The following HAPSTR1 variants were observed in gnomAD, a reference collection of about 807,000 sequenced individuals.
HAPSTR1 encodes HUWE1 associated protein modifying stress responses.
At chr16:9,091,683 G>A in the HAPSTR1 span, 6 of 399,174 alleles carry the variant, frequency 1.5e-5, no homozygotes, top group Non-Finnish European at 2.2e-5. Context: ...AGGCCGAGCT[G>A]CGCGGAGGGC....
chr16:9,116,130 CT>C, the HAPSTR1 span, among the ~76,000 whole-genome samples: 2 of 152,152 alleles, frequency 1.3e-5, no homozygotes, highest in Admixed American at 1.3e-4. Flanking sequence ...AACAGTGACT[CT>C]TTTCGGGCTC....
chr16:9,117,798 T>TG, the HAPSTR1 span: 1 of 152,656 alleles, frequency 6.6e-6, no homozygotes, highest in East Asian at 1.9e-4. Flanking sequence ...AGATGGATGG[T>TG]GGGGTAGGTT....
chr16:9,098,068 C>A, the HAPSTR1 span, among the ~76,000 whole-genome samples: 1 of 152,186 alleles, frequency 6.6e-6, no homozygotes, highest in Non-Finnish European at 1.5e-5. Context: ...CGGGGGCTCA[C>A]GCCTGTAATC....
chr16:9,092,892 G>GTTTTTTTTTTTTTTTTTTTTTGTT, the HAPSTR1 span: 1 of 1,267,510 alleles, frequency 7.9e-7, no homozygotes, highest in Non-Finnish European at 1.1e-6. Flanking sequence ...TTTCTTTTTG[G>GTTTTTTTTTTTTTTTTTTTTTGTT]TTTTTTTTTT....
the HAPSTR1 span, chr16:9,119,593 A>C: frequency 6.6e-6 from 1 of 152,230 alleles, no homozygotes. Flanking sequence ...GTTGGAAAGC[A>C]TTTGGCTGAA....
chr16:9,108,503 A>T, the HAPSTR1 span: 1 of 149,720 alleles, frequency 6.7e-6, no homozygotes, highest in Admixed American at 6.6e-5. Flanking sequence ...GCATACCCTT[A>T]ACCACTATGC....
chr16:9,099,105 A>G, the HAPSTR1 span, among the ~76,000 whole-genome samples: 2 of 149,320 alleles, frequency 1.3e-5, no homozygotes, highest in South Asian at 2.1e-4. Flanking sequence ...AATCTCTTGG[A>G]TTCAGTTTCC....
chr16:9,109,058 G>C, the HAPSTR1 span: 1 of 152,060 alleles, frequency 6.6e-6, no homozygotes, highest in Non-Finnish European at 1.5e-5. Flanking sequence ...TAGTAGTAAG[G>C]GTCACATTTT....
chr16:9,103,268 G>A, the HAPSTR1 span: 36 of 1,604,472 alleles, frequency 2.2e-5, no homozygotes, highest in South Asian at 2.9e-4. Context: ...TGGTAAAGCC[G>A]TTTAAACATA....
chr16:9,098,400 G>A, the HAPSTR1 span, among the ~76,000 whole-genome samples: 4 of 152,218 alleles, frequency 2.6e-5, no homozygotes, highest in Non-Finnish European at 5.9e-5. Flanking sequence ...TGAAGATTAA[G>A]TAAATACATA....
At chr16:9,098,950 G>T in the HAPSTR1 span, among the ~76,000 whole-genome samples, 246 of 152,240 alleles carry the variant, frequency 1.6e-3, no homozygotes, top group African/African-American at 5.7e-3. Flanking sequence ...ATGAATCAAT[G>T]TGTATCAAAA....
the HAPSTR1 span, chr16:9,117,001 C>G: frequency 6.6e-5 from 101 of 1,540,334 alleles, no homozygotes; most frequent in Admixed American, 1.1e-4. Flanking sequence ...ATGAGGCCAT[C>G]TTCCCTTGTT....
At chr16:9,095,834 G>A in the HAPSTR1 span, among the ~76,000 whole-genome samples, 5 of 152,142 alleles carry the variant, frequency 3.3e-5, no homozygotes, top group Admixed American at 3.3e-4. Flanking sequence ...AAATAGTAGG[G>A]TCAGACTTGT....
At chr16:9,093,914 T>A in the HAPSTR1 span, among the ~76,000 whole-genome samples, 1 of 152,022 alleles carries the variant, frequency 6.6e-6, no homozygotes, top group East Asian at 1.9e-4. Flanking sequence ...TGTAATTAAA[T>A]GTTTTCAGAC....
chr16:9,115,104 G>A, the HAPSTR1 span, among the ~76,000 whole-genome samples: 1 of 152,134 alleles, frequency 6.6e-6, no homozygotes, highest in African/African-American at 2.4e-5. Context: ...GAAGGGAGGT[G>A]TGGCCCTCAG....
chr16:9,094,008 C>T, the HAPSTR1 span, among the ~76,000 whole-genome samples: 3 of 151,888 alleles, frequency 2.0e-5, no homozygotes, highest in Admixed American at 6.6e-5. Context: ...TATATTTAGG[C>T]CATATATAGG....
At chr16:9,115,108 C>A in the HAPSTR1 span, among the ~76,000 whole-genome samples, 1 of 152,042 alleles carries the variant, frequency 6.6e-6, no homozygotes, top group South Asian at 2.1e-4. Context: ...GGAGGTGTGG[C>A]CCTCAGGACA....
the HAPSTR1 span, chr16:9,103,002 A>C: frequency 1.2e-6 from 2 of 1,614,014 alleles, no homozygotes; most frequent in South Asian, 2.2e-5. Context: ...GATACCCATC[A>C]ACGAAGTTTT....
At chr16:9,095,821 T>G in the HAPSTR1 span, among the ~76,000 whole-genome samples, 1 of 152,190 alleles carries the variant, frequency 6.6e-6, no homozygotes, top group Non-Finnish European at 1.5e-5. Context: ...TTACCTCTAC[T>G]GTAAATAGTA....
Sources: allele counts gnomAD v4.1 joint callset (sites outside exome capture counted in the v4.1 genomes callset), GRCh38; gene constraint gnomAD v4.1.1; transcripts MANE v1.5; gene names NCBI Gene and HGNC (gene_info 2026-07-23, HGNC 2026-07-21).